Variants in CDH4 observed in about 807,000 individuals in gnomAD.
The protein encoded by CDH4 is cadherin 4, also known as cadherin-4.
In CDH4, 33 loss-of-function variants were observed where a neutral mutation model predicts 86.0. The ratio of observed to expected loss-of-function variants is 0.38; its 90% confidence interval spans 0.29 to 0.51. CDH4 has a LOEUF of 0.51. CDH4 is among the 20% of genes least tolerant of loss of function. CDH4 has a pLI of 0.86. For synonymous variants in CDH4, 555 were observed against 549.4 expected (o/e 1.01, Z -0.14); for missense variants, 1,114 against 1,307.4 (o/e 0.85, Z 2.28).
chr20:61,607,897 G>T (rs1490770079), intron 2 of CDH4, among the ~76,000 whole-genome samples: 6 of 152,200 alleles, frequency 3.9e-5, no homozygotes, highest in African/African-American at 1.4e-4. Flanking sequence ...GCCAGGCTTT[G>T]CCCGTGTCTC....
At chr20:61,293,021 G>A (rs2123186942) in intron 2 of CDH4, among the ~76,000 whole-genome samples, 1 of 152,292 alleles carries the variant, frequency 6.6e-6, no homozygotes, top group Non-Finnish European at 1.5e-5. Context: ...CCTGGCTGTG[G>A]CTGGGTGTGG....
rs367590621 is a variant in CDH4, at chr20:61,305,895, G to A, written c.169+50958G>A. ...GCTTCTAGAGTGAAGATCGGCCCAC[G>A]GATTGATCTGATAGGGGTGATAAAT... On this transcript the variant is annotated intron_variant, in intron 2 of 15. Coordinates refer to ENST00000614565, the MANE Select transcript of CDH4 (RefSeq NM_001794.5). 1.1e-4 allele frequency among the ~76,000 whole-genome samples: 16 copies of A among 152,268 alleles called. No individual in the cohort carries two copies. In the South Asian group the frequency reaches 1.5e-3, roughly 14 times the overall value.
At chr20:61,362,822 A>G (rs909389626) in intron 2 of CDH4, among the ~76,000 whole-genome samples, 5 of 152,100 alleles carry the variant, frequency 3.3e-5, no homozygotes, top group Non-Finnish European at 5.9e-5. Context: ...GCCAGAGGAG[A>G]TCAAATAACT....
chr20:61,334,159 C>A (rs1458343626), intron 2 of CDH4, among the ~76,000 whole-genome samples: 1 of 152,194 alleles, frequency 6.6e-6, no homozygotes, highest in Non-Finnish European at 1.5e-5. Context: ...CCTCCCTGAG[C>A]CATTCTGTAA....
At chr20:61,450,404 C>T (rs369839773) in intron 2 of CDH4, among the ~76,000 whole-genome samples, 2 of 152,128 alleles carry the variant, frequency 1.3e-5, no homozygotes, top group Non-Finnish European at 2.9e-5. Flanking sequence ...GTTCTCCATG[C>T]CTTTTTAAGT....
chr20:61,391,650 C>T (rs546935721), intron 2 of CDH4, among the ~76,000 whole-genome samples: 1 of 152,294 alleles, frequency 6.6e-6, no homozygotes, highest in South Asian at 2.1e-4. Flanking sequence ...GTTAGTAAGA[C>T]AGTTGGTCCA....
Position 61,417,267 on chromosome 20 carries a change from A to G in CDH4, c.169+162330A>G, listed in dbSNP as rs189348829. Among the ~76,000 whole-genome samples, 248 of 128,218 alleles carry G rather than the reference A, an allele frequency of 1.9e-3. 1 individual carries two copies. Among genetic ancestry groups the G allele is most frequent in the Non-Finnish European group, 3.4e-3 (204 of 59,278 alleles). The allele number at this position is 128,218 out of a possible 152,430, so 84.1% of individuals were successfully genotyped here. A position where few individuals can be genotyped will look rare whatever the true frequency, so the allele number is the denominator to read the frequency against. The stretch of plus-strand genomic sequence containing the variant: ...CCCCTCCCTCTCACTCTTTTCTCCC[A>G]CTCTCCCCCTCCTCCCTCTCTGTCT... On this transcript the variant is annotated intron_variant, in intron 2 of 15. Coordinates refer to ENST00000614565, the MANE Select transcript of CDH4 (RefSeq NM_001794.5). The surrounding 1 kb of genome is among the most constrained non-coding windows in gnomAD (Gnocchi z 4.0).
chr20:61,753,400 G>A (rs144385000), intron 3 of CDH4, among the ~76,000 whole-genome samples: 34 of 152,204 alleles, frequency 2.2e-4, no homozygotes, highest in African/African-American at 7.0e-4. Context: ...TTCTTTTGTC[G>A]CCCTCTCTTA....
At chr20:61,631,431 G>T (rs2086887333) in intron 2 of CDH4, among the ~76,000 whole-genome samples, 1 of 152,194 alleles carries the variant, frequency 6.6e-6, no homozygotes, top group African/African-American at 2.4e-5. Flanking sequence ...TCTGAGGTCA[G>T]GGATTCGAAA....
At chr20:61,855,306 A>G (rs1982950326) in intron 6 of CDH4, among the ~76,000 whole-genome samples, 2 of 152,312 alleles carry the variant, frequency 1.3e-5, no homozygotes, top group South Asian at 4.1e-4. Context: ...TTTCAGGATT[A>G]TGACACACGG....
chr20:61,357,368 A>C (rs28735334), intron 2 of CDH4, among the ~76,000 whole-genome samples: 116,529 of 151,774 alleles, frequency 0.77, 45,187 homozygotes, highest in South Asian at 0.89. Flanking sequence ...GCCGTGTTGC[A>C]GCCACACACA....
chr20:61,655,538 T>G (rs142564037), intron 2 of CDH4, among the ~76,000 whole-genome samples: 4 of 152,330 alleles, frequency 2.6e-5, no homozygotes, highest in Non-Finnish European at 5.9e-5. Flanking sequence ...CTCTCTGGGA[T>G]GAAAGCCCAC....
chr20:61,506,290 C>G (rs1010353167), intron 2 of CDH4, among the ~76,000 whole-genome samples: 1 of 152,190 alleles, frequency 6.6e-6, no homozygotes, highest in African/African-American at 2.4e-5. Flanking sequence ...TCATTAAAAT[C>G]CAGTTACAGT....
At chr20:61,444,160 CTA>C (rs1213181497) in intron 2 of CDH4, among the ~76,000 whole-genome samples, 7 of 150,312 alleles carry the variant, frequency 4.7e-5, no homozygotes, top group Non-Finnish European at 8.9e-5. Flanking sequence ...ATGTCTGTAT[CTA>C]TGTGTGTGTG....
At chr20:61,298,073 C>T (rs924460076) in intron 2 of CDH4, among the ~76,000 whole-genome samples, 13 of 152,154 alleles carry the variant, frequency 8.5e-5, no homozygotes, top group East Asian at 1.9e-4. Context: ...TTTGTGCAGG[C>T]GGGTTCAGCA....
intron 2 of CDH4, among the ~76,000 whole-genome samples, chr20:61,298,602 C>A (rs1418164175): frequency 6.6e-6 from 1 of 151,192 alleles, no homozygotes; most frequent in Admixed American, 6.6e-5. Flanking sequence ...GTGGTTACCA[C>A]TTTTCCTTTG....
chr20:61,728,237 T>C (rs757499670), intron 2 of CDH4, among the ~76,000 whole-genome samples: 1 of 152,184 alleles, frequency 6.6e-6, no homozygotes, highest in Non-Finnish European at 1.5e-5. Flanking sequence ...CATCTAAGCA[T>C]AACCACCTGT....
intron 2 of CDH4, among the ~76,000 whole-genome samples, chr20:61,645,918 C>T (rs1011933334): frequency 3.9e-5 from 6 of 152,154 alleles, no homozygotes; most frequent in East Asian, 3.9e-4. Context: ...GGAAAGATAG[C>T]GCCTTCCTCC....
At chr20:61,719,307 A>C (rs1055257270) in intron 2 of CDH4, 1 of 361,414 alleles carries the variant, frequency 2.8e-6, no homozygotes, top group African/African-American at 2.1e-5. Flanking sequence ...CTCATTGCAG[A>C]ATCTTCCAAG....
Sources: allele counts gnomAD v4.1 joint callset (sites outside exome capture counted in the v4.1 genomes callset), GRCh38; gene constraint gnomAD v4.1.1; non-coding constraint Gnocchi (gnomAD v3.1); transcripts MANE v1.5; gene names NCBI Gene and HGNC (gene_info 2026-07-23, HGNC 2026-07-21).